Variants in CEP85L observed in about 807,000 individuals in gnomAD.
CEP85L encodes centrosomal protein 85L, also known as centrosomal protein of 85 kDa-like.
Under a neutral mutation model 100.3 loss-of-function variants are expected in CEP85L, and 60 were observed. The observed-to-expected ratio is 0.60, with a 90% CI of 0.49 to 0.74. The LOEUF (loss-of-function observed/expected upper bound fraction) is 0.74. Ranked by LOEUF, CEP85L falls within the 30% of genes least tolerant of loss-of-function variation. The pLI is 0.00. For missense variants in CEP85L, 973 were observed against 936.2 expected, an observed-to-expected ratio of 1.04 and a Z score of -0.51; for synonymous variants, 319 against 322.7, an observed-to-expected ratio of 0.99 and a Z score of 0.12.
At chr6:118,533,760 C>T (rs1231764581) in intron 3 of CEP85L, among the ~76,000 whole-genome samples, 1 of 152,142 alleles carries the variant, frequency 6.6e-6, no homozygotes, top group Non-Finnish European at 1.5e-5. Context: ...ATACGTTTGG[C>T]ATACGGTTTT....
At chr6:118,625,220 C>T (rs1773707296) in intron 2 of CEP85L, among the ~76,000 whole-genome samples, 1 of 152,254 alleles carries the variant, frequency 6.6e-6, no homozygotes, top group Admixed American at 6.5e-5. Flanking sequence ...TTTCACCTGT[C>T]TAACTCCAGA....
At chr6:118,568,208 C>G (rs1779663759) in intron 2 of CEP85L, among the ~76,000 whole-genome samples, 1 of 152,142 alleles carries the variant, frequency 6.6e-6, no homozygotes, top group African/African-American at 2.4e-5. Flanking sequence ...AATTCCTATC[C>G]CAGAACTGGC....
chr6:118,561,310 T>C (rs2114979741), intron 3 of CEP85L, among the ~76,000 whole-genome samples: 1 of 152,302 alleles, frequency 6.6e-6, no homozygotes, highest in African/African-American at 2.4e-5. Flanking sequence ...TTGAACTGAT[T>C]AGTCATATTC....
intron 3 of CEP85L, among the ~76,000 whole-genome samples, chr6:118,558,660 CAG>C (rs369698272): frequency 0.031 from 3,774 of 122,016 alleles, 140 homozygotes; most frequent in African/African-American, 0.097. Context: ...CACACACACA[CAG>C]AGAGAGAGAG....
At chr6:118,676,137 T>C (rs181436606) in intron 1 of CEP85L, among the ~76,000 whole-genome samples, 1 of 152,336 alleles carries the variant, frequency 6.6e-6, no homozygotes, top group African/African-American at 2.4e-5. Context: ...TATATATTTA[T>C]GGGCACATTA....
intron 2 of CEP85L, among the ~76,000 whole-genome samples, chr6:118,614,673 G>A (rs1337889009): frequency 6.6e-6 from 1 of 152,076 alleles, no homozygotes; most frequent in Non-Finnish European, 1.5e-5. Context: ...GAGAAACCCC[G>A]TCTCTATTGA....
rs1031699859 is a variant in CEP85L, at chr6:118,552,271, C to T, written c.1020+13258G>A. Among the ~76,000 whole-genome samples, 4 of 152,106 alleles carry T rather than the reference C, an allele frequency of 2.6e-5. No homozygotes were observed. The East Asian group carries it at 7.7e-4, about 29-fold the overall frequency. On this transcript the variant is annotated intron_variant, in intron 3 of 12. Coordinates refer to ENST00000368491, the MANE Select transcript of CEP85L (RefSeq NM_001042475.3). ...AAAGAATCCCAGGAATTTATTATTT[C>T]AGCAAAAGGAATACCACCAAAAATA... is the stretch of plus-strand genomic sequence containing the variant.
chr6:118,524,537 T>C (rs886293721), intron 3 of CEP85L, among the ~76,000 whole-genome samples: 2 of 152,172 alleles, frequency 1.3e-5, no homozygotes, highest in Non-Finnish European at 2.9e-5. Context: ...AGATTAATCA[T>C]TAAGGGAGTA....
intron 12 of CEP85L, among the ~76,000 whole-genome samples, chr6:118,467,489 G>T (rs11752626): frequency 0.35 from 53,200 of 151,868 alleles, 10,318 homozygotes; most frequent in Non-Finnish European, 0.45. Flanking sequence ...TGAAGTGACT[G>T]GTTTTTCACA....
chr6:118,493,026 T>C (rs1300096330), intron 5 of CEP85L, among the ~76,000 whole-genome samples: 1 of 152,124 alleles, frequency 6.6e-6, no homozygotes, highest in Non-Finnish European at 1.5e-5. Flanking sequence ...TAGATGATTG[T>C]AATATAGAAC....
At chr6:118,622,918 G>T (rs1324292356) in intron 2 of CEP85L, among the ~76,000 whole-genome samples, 2 of 152,204 alleles carry the variant, frequency 1.3e-5, no homozygotes, top group African/African-American at 4.8e-5. Flanking sequence ...AGGACCCTTA[G>T]TATGGAGCAA....
At chr6:118,523,976 T>A in intron 3 of CEP85L, 56 bp from the exon 4 acceptor site, 1 of 644,838 alleles carries the variant, frequency 1.6e-6, no homozygotes, top group Non-Finnish European at 2.4e-6. Context: ...AAAATATTTA[T>A]ATATTATCAT....
At chr6:118,693,830 A>G (rs1777121172) in intron 1 of CEP85L, among the ~76,000 whole-genome samples, 1 of 152,230 alleles carries the variant, frequency 6.6e-6, no homozygotes, top group South Asian at 2.1e-4. Flanking sequence ...TGCTACAGTC[A>G]CAAGCAGAAA....
chr6:118,562,410 C>G (rs1562263080), intron 3 of CEP85L, among the ~76,000 whole-genome samples: 1 of 151,856 alleles, frequency 6.6e-6, no homozygotes, highest in East Asian at 1.9e-4. Flanking sequence ...GTCATGCAGG[C>G]TGGAATGCAG....
chr6:118,485,388 C>T (rs1453817001), intron 6 of CEP85L, among the ~76,000 whole-genome samples: 2 of 128,482 alleles, frequency 1.6e-5, no homozygotes, highest in Non-Finnish European at 3.6e-5. Context: ...TTTTTCAGGT[C>T]TAATGTATAA....
At chr6:118,518,848 G>C (rs1362823995) in intron 4 of CEP85L, among the ~76,000 whole-genome samples, 4 of 152,106 alleles carry the variant, frequency 2.6e-5, no homozygotes, top group Non-Finnish European at 4.4e-5. Flanking sequence ...GATCTTTCCT[G>C]CTTTCTCTTG....
chr6:118,670,322 G>A (rs1161710011), intron 1 of CEP85L, among the ~76,000 whole-genome samples: 1 of 150,466 alleles, frequency 6.6e-6, no homozygotes, highest in Non-Finnish European at 1.5e-5. Flanking sequence ...GGATTATTTT[G>A]TCATCCAGGT....
At chr6:118,689,917 T>TTTC (rs1491252218) in intron 1 of CEP85L, among the ~76,000 whole-genome samples, 1 of 65,388 alleles carries the variant, frequency 1.5e-5, no homozygotes, top group Non-Finnish European at 3.9e-5. Flanking sequence ...CCCTGCCTGC[T>TTTC]TTTTTTTTTT....
chr6:118,651,095 G>A (rs952438307), intron 1 of CEP85L, 102 bp downstream of exon 1: 6 of 1,393,558 alleles, frequency 4.3e-6, no homozygotes, highest in Non-Finnish European at 2.8e-6. Flanking sequence ...AGGCGGCCGG[G>A]GTAAGACAGG....
Sources: gnomAD v4.1 joint callset for allele counts (sites outside exome capture counted in the v4.1 genomes callset) on GRCh38, gnomAD v4.1.1 for gene constraint, MANE v1.5 for transcripts, NCBI Gene and HGNC (gene_info 2026-07-23, HGNC 2026-07-21) for gene names.